PATL1: variants seen among roughly 807,000 people sequenced by gnomAD.
The protein encoded by PATL1 is protein PAT1 homolog 1.
In PATL1, 32 loss-of-function variants were observed where a neutral mutation model predicts 100.6. The ratio of observed to expected loss-of-function variants is 0.32; its 90% confidence interval spans 0.24 to 0.43. The LOEUF (loss-of-function observed/expected upper bound fraction) is 0.43. PATL1 is among the 20% of genes least tolerant of loss of function. The pLI is 1.00. For synonymous variants in PATL1, 332 were observed against 330.0 expected (o/e 1.01, Z -0.07); for missense variants, 747 against 949.9 (o/e 0.79, Z 2.81).
In PATL1 at chr11:59,659,218, T is replaced by C. The variant is rs1475033612; in HGVS notation, c.345+34A>G. The C allele has an allele frequency of 3.3e-6, 5 of 1,531,200 alleles. 1 individual carries two copies. In the Middle Eastern group the frequency reaches 5.0e-4, roughly 154 times the overall value. The allele number at this position is 1,531,200 out of a possible 1,614,324, so 94.9% of individuals were successfully genotyped here. On this transcript the variant is annotated intron_variant, in intron 3 of 18. Transcript: ENST00000300146. The stretch of plus-strand genomic sequence containing the variant: ...CAATACTTCACTTTAATTTTTAGTC[T>C]GCTATAGTTCTCAAATCACAGTAAC...
intron 11 of PATL1, 27 bp from the exon 12 acceptor site, chr11:59,651,668 C>G: frequency 7.3e-7 from 1 of 1,371,044 alleles, no homozygotes. Context: ...AAAAAAAATT[C>G]CAACAAAATA....
intron 16 of PATL1, among the ~76,000 whole-genome samples, chr11:59,640,026 G>A (rs1361420222): frequency 6.6e-6 from 1 of 152,184 alleles, no homozygotes; most frequent in East Asian, 1.9e-4. Flanking sequence ...TTAAAATTCA[G>A]CAACATGCTT....
chr11:59,668,988 C>G lies in PATL1; in HGVS notation c.-93G>C. 3.4e-6 allele frequency: 1 copy of G among 298,172 alleles called. No individual in the cohort carries two copies. Among genetic ancestry groups the G allele is most frequent in the Non-Finnish European group, 6.4e-6 (1 of 156,330 alleles). 18.5% of individuals were successfully genotyped at this position (298,172 alleles called of 1,614,324 possible). A position where few individuals can be genotyped will look rare whatever the true frequency, so the allele number is the denominator to read the frequency against. ...GCTCCTCCGCGCGCGGGTCCTCCAC[C>G]GGCTCGCGACCCCTGGCCGCCGCCG... On this transcript the variant is annotated 5_prime_UTR_variant, in exon 1 of 19. Coordinates refer to ENST00000300146, the MANE Select transcript of PATL1 (RefSeq NM_152716.3).
At position 59,655,645 on chromosome 11, in the gene PATL1, C is replaced by A. The variant is rs779306260; in HGVS notation, c.909G>T (p.Gly303=). The part of the protein sequence containing the change: ...LAAMNPKLLQ[G]RVGQMLPPAP... The stretch of plus-strand genomic sequence containing the variant: ...CTGGGGGAAGCATCTGCCCAACTCG[C>A]CCTTGTAGCAACTTGGGATTCATGG... Residue 303 remains glycine, a synonymous_variant, in exon 8 of 19, where the codon GGG becomes GGT. Coordinates refer to ENST00000300146, the MANE Select transcript of PATL1 (RefSeq NM_152716.3). 12 of 1,601,788 alleles carry A rather than the reference C, an allele frequency of 7.5e-6. No individual in the cohort carries two copies. In the South Asian group the frequency reaches 1.4e-4, roughly 18 times the overall value.
intron 2 of PATL1, among the ~76,000 whole-genome samples, chr11:59,664,366 T>C (rs767536377): frequency 6.6e-6 from 1 of 152,224 alleles, no homozygotes; most frequent in Non-Finnish European, 1.5e-5. Context: ...TGAGAAGGTA[T>C]GACTCTTCCT....
chr11:59,654,218 T>A (rs1861489280), intron 8 of PATL1, 146 bp from the exon 9 acceptor site: 2 of 660,618 alleles, frequency 3.0e-6, no homozygotes, highest in Non-Finnish European at 2.6e-6. Context: ...GACTCACGCC[T>A]GTAATCCTAG....
At position 59,637,725 on chromosome 11, in the gene PATL1, C is replaced by T. The variant is rs530284712; in HGVS notation, c.*665G>A. On this transcript the variant is annotated 3_prime_UTR_variant, in exon 19 of 19. Transcript: ENST00000300146. ...AATTAAGAGTTCTGATTTTATTAAA[C>T]GTGCTGCATACTCTTTATTTATGTT... 7 of 152,362 alleles carry T rather than the reference C, an allele frequency of 4.6e-5. No individual in the cohort carries two copies. Among genetic ancestry groups the T allele is most frequent in the South Asian group, 2.1e-4 (1 of 4,830 alleles). 9.4% of individuals were successfully genotyped at this position (152,362 alleles called of 1,614,324 possible). A position where few individuals can be genotyped will look rare whatever the true frequency, so the allele number is the denominator to read the frequency against.
chr11:59,661,648 A>C (rs114137052), intron 2 of PATL1, among the ~76,000 whole-genome samples: 1,902 of 152,314 alleles, frequency 0.012, 46 homozygotes, highest in African/African-American at 0.043. Context: ...CTTTCAGAGA[A>C]AATACATGTT....
At chr11:59,668,224 G>A (rs936887203) in intron 1 of PATL1, among the ~76,000 whole-genome samples, 1 of 152,186 alleles carries the variant, frequency 6.6e-6, no homozygotes, top group Non-Finnish European at 1.5e-5. Context: ...GTCACTCAAG[G>A]TCACACAGTG....
chr11:59,637,014 A>T lies in PATL1; in HGVS notation c.*1376T>A, dbSNP rs1861201673. On this transcript the variant is annotated 3_prime_UTR_variant, in exon 19 of 19. Transcript: ENST00000300146. ...ATGGAGAACAGGACAGCTGGTTTTA[A>T]CAGAGGATCTTACTGTTGTACAATA... 1 of 152,648 alleles carries T rather than the reference A, an allele frequency of 6.6e-6. No individual in the cohort carries two copies. 9.5% of individuals were successfully genotyped at this position (152,648 alleles called of 1,614,324 possible).
At chr11:59,667,008 C>G (rs1395193989) in intron 1 of PATL1, 44 bp from the exon 2 acceptor site, 3 of 1,518,438 alleles carry the variant, frequency 2.0e-6, no homozygotes, top group African/African-American at 2.8e-5. Flanking sequence ...AAATTCACAC[C>G]CTCATTTTAA....
At chr11:59,667,045 C>T in intron 1 of PATL1, 81 bp from the exon 2 acceptor site, 1 of 1,477,026 alleles carries the variant, frequency 6.8e-7, no homozygotes, top group Non-Finnish European at 8.9e-7. Flanking sequence ...TTCATCTTAC[C>T]TTCTCAATGA....
chr11:59,668,750 TC>T, intron 1 of PATL1, 130 bp downstream of exon 1: 1 of 491,496 alleles, frequency 2.0e-6, no homozygotes, highest in South Asian at 2.1e-5. Context: ...ACCAGTCGCG[TC>T]CAGCTAAGTC....
At chr11:59,640,126 G>GAGGTC (rs969824119) in intron 16 of PATL1, among the ~76,000 whole-genome samples, 1 of 151,946 alleles carries the variant, frequency 6.6e-6, no homozygotes, top group African/African-American at 2.4e-5. Flanking sequence ...TGGATGACCT[G>GAGGTC]AGGTCAGGAG....
chr11:59,648,335 G>C (rs745545945), intron 14 of PATL1, among the ~76,000 whole-genome samples: 6 of 150,778 alleles, frequency 4.0e-5, no homozygotes, highest in African/African-American at 1.5e-4. Flanking sequence ...ATAGATGCCC[G>C]CCACCATGAC....
chr11:59,651,683 G>C (rs757067845), intron 11 of PATL1, 42 bp from the exon 12 acceptor site: 2 of 1,292,248 alleles, frequency 1.5e-6, no homozygotes, highest in Non-Finnish European at 2.2e-6. Flanking sequence ...AAAATAAAAA[G>C]TCAGCAATGC....
At chr11:59,643,094 C>G in intron 15 of PATL1, 59 bp from the exon 16 acceptor site, 1 of 1,553,436 alleles carries the variant, frequency 6.4e-7, no homozygotes, top group Non-Finnish European at 8.8e-7. Flanking sequence ...TTACCCCCCA[C>G]CAGGGGCATG....
At chr11:59,657,024 C>T in intron 5 of PATL1, 1 of 928,524 alleles carries the variant, frequency 1.1e-6, no homozygotes, top group Non-Finnish European at 1.3e-6. Flanking sequence ...GTGACTCCAC[C>T]ATTTCATAGG....
intron 5 of PATL1, chr11:59,657,192 G>T: frequency 1.1e-6 from 1 of 925,702 alleles, no homozygotes; most frequent in Non-Finnish European, 1.3e-6. Context: ...AAAAAGGGAT[G>T]TGGACAATGC....
Sources: gnomAD v4.1 joint callset for allele counts (sites outside exome capture counted in the v4.1 genomes callset) on GRCh38, gnomAD v4.1.1 for gene constraint, MANE v1.5 for transcripts, NCBI Gene and HGNC (gene_info 2026-07-23, HGNC 2026-07-21) for gene names.